PTGFRN: variants seen among roughly 807,000 people sequenced by gnomAD.
PTGFRN encodes prostaglandin F2 receptor inhibitor, also known as prostaglandin F2 receptor negative regulator.
Under a neutral mutation model 83.2 loss-of-function variants are expected in PTGFRN, and 35 were observed. That is an observed-to-expected ratio of 0.42 (90% CI 0.32 to 0.56). The LOEUF (loss-of-function observed/expected upper bound fraction) is 0.56, where lower values mean the gene tolerates loss of function less well. PTGFRN is among the 20% of genes least tolerant of loss of function. The pLI is 0.11. For synonymous variants in PTGFRN, 519 were observed against 498.6 expected (o/e 1.04, Z -0.55); for missense variants, 1,051 against 1,179.5 (o/e 0.89, Z 1.60).
rs183220115 is a variant in PTGFRN at position 116,971,500 on chromosome 1, C to G, written c.2060-2716C>G. ...TCATTTAAACTCTCTGTACCATACCCTGTCATCTGTGAAGTTAACCAGACA... is the reference window on the plus strand; with the variant it reads ...TCATTTAAACTCTCTGTACCATACCGTGTCATCTGTGAAGTTAACCAGACA... On this transcript the variant is annotated intron_variant, in intron 6 of 8. Transcript: ENST00000393203. 1.5e-3 allele frequency among the ~76,000 whole-genome samples: 233 copies of G among 152,346 alleles called. 1 individual carries two copies. Among genetic ancestry groups the G allele is most frequent in the African/African-American group, 5.3e-3 (222 of 41,574 alleles).
At chr1:116,950,292 A>G (rs1303953480) in intron 4 of PTGFRN, among the ~76,000 whole-genome samples, 1 of 152,174 alleles carries the variant, frequency 6.6e-6, no homozygotes, top group Non-Finnish European at 1.5e-5. Flanking sequence ...CAAAATGTAC[A>G]CTAACTTTTC....
At chr1:116,942,145 G>C (rs1027524214) in intron 2 of PTGFRN, 62 bp downstream of exon 2, 1 of 1,531,416 alleles carries the variant, frequency 6.5e-7, no homozygotes, top group Non-Finnish European at 8.8e-7. Context: ...CCTGGGCTGT[G>C]GTGGACTTTG....
intron 1 of PTGFRN, among the ~76,000 whole-genome samples, chr1:116,928,847 T>TATC (rs1202222785): frequency 2.0e-5 from 3 of 152,226 alleles, no homozygotes; most frequent in African/African-American, 7.2e-5. Flanking sequence ...GTAAGGGCTC[T>TATC]ATCTTTGGCT....
chr1:116,924,657 C>T (rs1046519390), intron 1 of PTGFRN, among the ~76,000 whole-genome samples: 11 of 152,206 alleles, frequency 7.2e-5, no homozygotes, highest in African/African-American at 2.7e-4. Flanking sequence ...ACAGTTGCCC[C>T]AGCCACATGC....
At chr1:116,986,075 G>C (rs1651471744) in intron 8 of PTGFRN, among the ~76,000 whole-genome samples, 1 of 152,180 alleles carries the variant, frequency 6.6e-6, no homozygotes, top group Non-Finnish European at 1.5e-5. Context: ...TAGCCTTTCT[G>C]ATCCATTTTC....
At chr1:116,968,536 G>A (rs1650904559) in intron 6 of PTGFRN, among the ~76,000 whole-genome samples, 1 of 151,984 alleles carries the variant, frequency 6.6e-6, no homozygotes, top group African/African-American at 2.4e-5. Flanking sequence ...GTTTTTAATA[G>A]CAGCTTTATT....
chr1:116,961,956 A>G lies in PTGFRN; in HGVS notation c.1639+288A>G, dbSNP rs986339272. Among the ~76,000 whole-genome samples, 1 of 151,658 alleles carries G rather than the reference A, an allele frequency of 6.6e-6. No homozygotes were observed. The highest frequency in any genetic ancestry group is 1.9e-4 in the East Asian group (1 of 5,134). On this transcript the variant is annotated intron_variant, in intron 5 of 8. Coordinates refer to ENST00000393203, the MANE Select transcript of PTGFRN (RefSeq NM_020440.4). This position sits in a 1 kb window ranked among gnomAD's most constrained non-coding sequence, Gnocchi z 5.4. ...TTCTTTTCTCTTTCTTGCATTAAACATGGTGACTCTGAGGACACTCTTTCC... is the reference window on the plus strand; with the variant it reads ...TTCTTTTCTCTTTCTTGCATTAAACGTGGTGACTCTGAGGACACTCTTTCC...
intron 7 of PTGFRN, among the ~76,000 whole-genome samples, chr1:116,980,720 G>A (rs1233243304): frequency 2.6e-5 from 4 of 152,192 alleles, no homozygotes; most frequent in African/African-American, 9.7e-5. Context: ...TCGGGTTAGA[G>A]GGGAGGGATA....
chr1:116,932,931 T>C (rs1219331177), intron 1 of PTGFRN, among the ~76,000 whole-genome samples: 1 of 152,232 alleles, frequency 6.6e-6, no homozygotes, highest in Non-Finnish European at 1.5e-5. Flanking sequence ...TTCAACTTCT[T>C]TGATTCTCAA....
At chr1:116,949,621 T>G in intron 4 of PTGFRN, 49 bp downstream of exon 4, 1 of 1,556,262 alleles carries the variant, frequency 6.4e-7, no homozygotes, top group Non-Finnish European at 8.7e-7. Flanking sequence ...TAACCCCTCC[T>G]CGGAGTTATC....
At position 116,956,333 on chromosome 1, in the gene PTGFRN, G is replaced by T. The variant is rs73014741; in HGVS notation, c.1214-4910G>T. ...AGAGAAAATGAAGAGACCAACTGTT[G>T]AGGTCAATGAAGAGATTTTTCTTTC... On this transcript the variant is annotated intron_variant, in intron 4 of 8. Coordinates refer to ENST00000393203, the MANE Select transcript of PTGFRN (RefSeq NM_020440.4). 4.5e-3 allele frequency among the ~76,000 whole-genome samples: 690 copies of T among 152,334 alleles called. 2 individuals are homozygous for T. Among genetic ancestry groups the T allele is most frequent in the African/African-American group, 0.016 (657 of 41,574 alleles).
chr1:116,974,479 T>TA, intron 7 of PTGFRN, 156 bp downstream of exon 7: 1 of 528,984 alleles, frequency 1.9e-6, no homozygotes, highest in Non-Finnish European at 3.3e-6. Context: ...AAGTGTTTAA[T>TA]AAATACATGT....
Position 116,949,172 on chromosome 1 carries a change from A to G in PTGFRN, c.833-20A>G. On this transcript the variant is annotated intron_variant, in intron 3 of 8. Transcript: ENST00000393203. ...AAACATAATCAGATTACCTAGATGTATTTGTTTTTAATTTTCAAGTTCTGC... is the reference window on the plus strand; with the variant it reads ...AAACATAATCAGATTACCTAGATGTGTTTGTTTTTAATTTTCAAGTTCTGC... 1.3e-6 allele frequency: 2 copies of G among 1,554,232 alleles called. No individual in the cohort carries two copies. Among genetic ancestry groups the G allele is most frequent in the Non-Finnish European group, 8.7e-7 (1 of 1,148,612 alleles).
At chr1:116,953,186 T>C (rs1650392079) in intron 4 of PTGFRN, among the ~76,000 whole-genome samples, 1 of 152,214 alleles carries the variant, frequency 6.6e-6, no homozygotes, top group Non-Finnish European at 1.5e-5. Flanking sequence ...AAGAACCTGA[T>C]TTGCATTCTT....
chr1:116,920,767 G>C (rs1649515389), intron 1 of PTGFRN, among the ~76,000 whole-genome samples: 1 of 152,108 alleles, frequency 6.6e-6, no homozygotes, highest in Admixed American at 6.6e-5. Flanking sequence ...GAAATTACAG[G>C]GATGTGCCAC....
chr1:116,982,537 T>A (rs888639517), intron 7 of PTGFRN, among the ~76,000 whole-genome samples: 3 of 152,084 alleles, frequency 2.0e-5, no homozygotes, highest in Admixed American at 2.0e-4. Flanking sequence ...TGAGGCAGTA[T>A]CTTAGGTCAG....
intron 1 of PTGFRN, among the ~76,000 whole-genome samples, chr1:116,913,691 A>T (rs1649331640): frequency 6.6e-6 from 1 of 152,242 alleles, no homozygotes; most frequent in Non-Finnish European, 1.5e-5. Flanking sequence ...TACGAATAGG[A>T]TATATAACTC....
At chr1:116,914,777 T>C (rs1193044465) in intron 1 of PTGFRN, among the ~76,000 whole-genome samples, 1 of 151,112 alleles carries the variant, frequency 6.6e-6, no homozygotes, top group Non-Finnish European at 1.5e-5. Flanking sequence ...GAAAAAAATG[T>C]GTCCACCCTC....
chr1:116,961,573 G>T lies in PTGFRN; in HGVS notation c.1544G>T (p.Cys515Phe). Residue 515 changes from cysteine (C) to phenylalanine (F), a missense_variant, in exon 5 of 9, where the codon TGT becomes TTT. Cys to Phe is a radical substitution (Grantham distance 205). Transcript: ENST00000393203. The surrounding 1 kb of genome is among the most constrained non-coding windows in gnomAD (Gnocchi z 5.4). ...GAGGAAGACAGAGGCAATTATTACT[G>T]TGTTGTGTCTGCCTGGACCAAACAG... is the stretch of plus-strand genomic sequence containing the variant. ...TTEEDRGNYYCVVSAWTKQRN... is the reference protein window; with the variant it reads ...TTEEDRGNYYFVVSAWTKQRN... The T allele has an allele frequency of 6.2e-7, 1 of 1,614,220 alleles. No homozygotes were observed. Among genetic ancestry groups the T allele is most frequent in the Non-Finnish European group, 8.5e-7 (1 of 1,180,046 alleles).
Sources: gnomAD v4.1 joint callset for allele counts (sites outside exome capture counted in the v4.1 genomes callset) on GRCh38, gnomAD v4.1.1 for gene constraint, Gnocchi (gnomAD v3.1) non-coding constraint, MANE v1.5 for transcripts, NCBI Gene and HGNC (gene_info 2026-07-23, HGNC 2026-07-21) for gene names.